The following ERI1 variants were observed in gnomAD, a reference collection of about 807,000 sequenced individuals.
ERI1 encodes the protein exoribonuclease 1.
A neutral mutation model predicts 39.7 loss-of-function variants in ERI1; 39 were observed. The observed-to-expected ratio is 0.98, with a 90% confidence interval of 0.76 to 1.28. The LOEUF (loss-of-function observed/expected upper bound fraction) is 1.28, where lower values mean the gene tolerates loss of function less well. ERI1 is among the 50% of genes most tolerant of loss of function. The pLI, the probability that ERI1 is intolerant of heterozygous loss-of-function variation, is 0.00. For synonymous variants in ERI1, 204 were observed against 149.6 expected (o/e 1.36, Z -2.65); for missense variants, 581 against 416.9 (o/e 1.39, Z -3.43).
intron 4 of ERI1, among the ~76,000 whole-genome samples, chr8:9,017,738 G>C (rs1383155943): frequency 6.6e-6 from 1 of 152,132 alleles, no homozygotes; most frequent in South Asian, 2.1e-4. Flanking sequence ...GATGTGTATG[G>C]ACTGTTAAGA....
chr8:9,095,878 G>A (rs866459178), intron 3 of ERI1, among the ~76,000 whole-genome samples: 2 of 152,070 alleles, frequency 1.3e-5, no homozygotes, highest in African/African-American at 2.4e-5. Flanking sequence ...GGGTCGGGGG[G>A]CAAGGCACTT....
chr8:9,030,290 A>G lies in ERI1; in HGVS notation c.*256A>G. Reference sequence around the variant, plus strand: ...TTCCTGCTTACAACTGAATTTTATAATTTAAGGTGTTCAAGATATATTCTT... The same window carrying G: ...TTCCTGCTTACAACTGAATTTTATAGTTTAAGGTGTTCAAGATATATTCTT... On this transcript the variant is annotated 3_prime_UTR_variant, in exon 7 of 7. Coordinates refer to ENST00000250263, the MANE Select transcript of ERI1 (RefSeq NM_153332.4). 2.2e-6 allele frequency: 1 copy of G among 461,132 alleles called. No individual in the cohort carries two copies. Among genetic ancestry groups the G allele is most frequent in the South Asian group, 3.3e-5 (1 of 29,994 alleles). 28.6% of individuals were successfully genotyped at this position (461,132 alleles called of 1,614,324 possible).
chr8:9,031,433 G>C lies in ERI1; in HGVS notation c.*1399G>C, dbSNP rs1266350793. On this transcript the variant is annotated 3_prime_UTR_variant, in exon 7 of 7. Coordinates refer to ENST00000250263, the MANE Select transcript of ERI1 (RefSeq NM_153332.4). Reference sequence around the variant, plus strand: ...GGCATATGAGAGTGTGGTGTTCCTAGATGAACTGTTACAGATTATAGTAAA... The same window carrying C: ...GGCATATGAGAGTGTGGTGTTCCTACATGAACTGTTACAGATTATAGTAAA... The C allele has an allele frequency of 6.6e-6, 1 of 152,170 alleles. No individual in the cohort carries two copies. The highest frequency in any genetic ancestry group is 2.4e-5 in the African/African-American group (1 of 41,436). The allele number at this position is 152,170 out of a possible 1,614,324, so 9.4% of individuals were successfully genotyped here.
intron 3 of ERI1, among the ~76,000 whole-genome samples, chr8:9,013,275 C>G (rs1453266305): frequency 6.6e-6 from 1 of 150,442 alleles, no homozygotes; most frequent in African/African-American, 2.5e-5. Flanking sequence ...TCAGGTTCCC[C>G]AAGTGCTAGG....
chr8:9,070,747 G>C (rs992717758), intron 3 of ERI1, among the ~76,000 whole-genome samples: 4 of 152,232 alleles, frequency 2.6e-5, no homozygotes, highest in South Asian at 2.1e-4. Context: ...TCTGGTTCAA[G>C]TCGCATGTCT....
intron 3 of ERI1, among the ~76,000 whole-genome samples, chr8:9,083,036 T>C (rs926023361): frequency 2.0e-5 from 3 of 152,210 alleles, no homozygotes; most frequent in African/African-American, 7.2e-5. Context: ...GACATAAGTA[T>C]ACTAAAAAAA....
chr8:9,020,590 C>T (rs992041047), intron 6 of ERI1, 126 bp downstream of exon 6: 3 of 589,774 alleles, frequency 5.1e-6, no homozygotes, highest in Middle Eastern at 4.6e-4. Context: ...AGTTCTTACT[C>T]TTCAGATTCC....
At chr8:9,083,650 G>T (rs570882801) in intron 3 of ERI1, among the ~76,000 whole-genome samples, 2 of 149,170 alleles carry the variant, frequency 1.3e-5, no homozygotes, top group Admixed American at 6.7e-5. Flanking sequence ...AAAAAAAAGC[G>T]GGGGGGAAGA....
chr8:9,014,500 T>A (rs1817020498), intron 3 of ERI1, among the ~76,000 whole-genome samples: 1 of 152,166 alleles, frequency 6.6e-6, no homozygotes, highest in South Asian at 2.1e-4. Flanking sequence ...CCAGGTTCCT[T>A]TAGTTTTAAT....
chr8:9,084,572 T>A (rs1799468284), intron 3 of ERI1, among the ~76,000 whole-genome samples: 1 of 152,186 alleles, frequency 6.6e-6, no homozygotes, highest in South Asian at 2.1e-4. Flanking sequence ...CAGACCTTCT[T>A]GCTGCAAGAT....
intron 6 of ERI1, among the ~76,000 whole-genome samples, chr8:9,024,551 G>A (rs1454804214): frequency 6.6e-6 from 1 of 152,040 alleles, no homozygotes; most frequent in African/African-American, 2.4e-5. Context: ...GTCTCAAGTA[G>A]CTGAGATTAC....
At chr8:9,020,530 G>A (rs1490499048) in intron 6 of ERI1, 66 bp downstream of exon 6, 9 of 972,706 alleles carry the variant, frequency 9.3e-6, no homozygotes, top group South Asian at 1.7e-5. Context: ...TTGCATGTAC[G>A]TTAGATTGTA....
rs962085524 is a variant in ERI1 at position 9,029,111 on chromosome 8, G to A, written c.808-681G>A. 2.0e-5 allele frequency among the ~76,000 whole-genome samples: 3 copies of A among 150,346 alleles called. No homozygotes were observed. In the Admixed American group the frequency reaches 2.0e-4, roughly 10 times the overall value. On this transcript the variant is annotated intron_variant, in intron 6 of 6. Coordinates refer to ENST00000250263, the MANE Select transcript of ERI1 (RefSeq NM_153332.4). ...CAAAAAGGCTAGTCTTTTTATCTAA[G>A]AAATCAGTCAAGTAAAGTAATACAC...
chr8:9,063,981 C>T lies in ERI1; in HGVS notation n.299+43517C>T, dbSNP rs185079903. Among the ~76,000 whole-genome samples the T allele has an allele frequency of 5.1e-3, 764 of 151,064 alleles. 9 individuals are homozygous for T. The highest frequency in any genetic ancestry group is 6.5e-3 in the Non-Finnish European group (439 of 67,892). ...CCAGAGAAAAGAGAGAGTAGAGACACGGAGGGAAGGGGTTCAGGGGTTCTT... is the reference window on the plus strand; with the variant it reads ...CCAGAGAAAAGAGAGAGTAGAGACATGGAGGGAAGGGGTTCAGGGGTTCTT... On this transcript the variant is annotated intron_variant and non_coding_transcript_variant, in intron 3 of 3. Coordinates refer to the ERI1 transcript ENST00000518663.
intron 6 of ERI1, among the ~76,000 whole-genome samples, chr8:9,027,136 G>GGTGTGTGTGTGTGTGTGTGTGT (rs780775904): frequency 6.5e-5 from 9 of 137,502 alleles, no homozygotes; most frequent in African/African-American, 1.1e-4. Flanking sequence ...GTTATTTTCT[G>GGTGTGTGTGTGTGTGTGTGTGT]GTGTGTGTGT....
chr8:9,072,597 C>G (rs1445530549), intron 3 of ERI1: 2 of 152,044 alleles, frequency 1.3e-5, no homozygotes, highest in African/African-American at 2.4e-5. Flanking sequence ...CCCTCCAGCC[C>G]TCAGAAACAA....
At chr8:9,068,234 T>A (rs1206200645) in intron 3 of ERI1, among the ~76,000 whole-genome samples, 1 of 152,354 alleles carries the variant, frequency 6.6e-6, no homozygotes, top group African/African-American at 2.4e-5. Flanking sequence ...GAAGCGTTTC[T>A]GGAAATCTCG....
chr8:9,091,500 T>A (rs1450511413), intron 3 of ERI1: 1 of 131,466 alleles, frequency 7.6e-6, no homozygotes, highest in Non-Finnish European at 1.6e-5. Context: ...AGAGCGAGAC[T>A]CTGTCTCAAA....
At chr8:9,013,720 C>G (rs147730493) in intron 3 of ERI1, among the ~76,000 whole-genome samples, 18 of 152,160 alleles carry the variant, frequency 1.2e-4, no homozygotes, top group Non-Finnish European at 2.6e-4. Context: ...CCCATTCTAT[C>G]TTTAGCCTCC....
Sources: gnomAD v4.1 joint callset for allele counts (sites outside exome capture counted in the v4.1 genomes callset) on GRCh38, gnomAD v4.1.1 for gene constraint, MANE v1.5 for transcripts, NCBI Gene and HGNC (gene_info 2026-07-23, HGNC 2026-07-21) for gene names.